ZYG11B: variants seen among roughly 807,000 people sequenced by gnomAD.
The protein encoded by ZYG11B is protein zyg-11 homolog B.
A neutral mutation model predicts 82.4 loss-of-function variants in ZYG11B; 36 were observed. The ratio of observed to expected loss-of-function variants is 0.44; its 90% CI spans 0.33 to 0.58. The LOEUF is 0.58. Ranked by LOEUF, ZYG11B falls within the 20% of genes least tolerant of loss-of-function variation. ZYG11B has a pLI of 0.02. For synonymous variants in ZYG11B, 303 were observed against 312.8 expected, an observed-to-expected ratio of 0.97 and a Z score of 0.33; for missense variants, 552 against 895.6, an observed-to-expected ratio of 0.62 and a Z score of 4.90.
At chr1:52,784,679 A>G (rs542045155) in intron 4 of ZYG11B, among the ~76,000 whole-genome samples, 198 bp from the exon 5 acceptor site, 3 of 152,288 alleles carry the variant, frequency 2.0e-5, no homozygotes, top group African/African-American at 4.8e-5. Flanking sequence ...CTAGATATGA[A>G]TAGCTGAATA....
Position 52,776,229 on chromosome 1 carries a change from A to AAAAAAAAAAATATATACATATATATATAT in ZYG11B, c.952-3623_952-3622insAAAAAAAAATATATACATATATATATATA. 1.7e-4 allele frequency among the ~76,000 whole-genome samples: 4 copies of AAAAAAAAAAATATATACATATATATATAT among 23,536 alleles called. No homozygotes were observed. In the South Asian group the frequency reaches 7.0e-3, roughly 41 times the overall value. The allele number at this position is 23,536 out of a possible 152,430, so 15.4% of individuals were successfully genotyped here. ...AGCAAAACTCTGTCTTAAAAAAAAA[A>AAAAAAAAAAATATATACATATATATATAT]ATATATATATATATATGCAATAAAG... On this transcript the variant is annotated intron_variant, in intron 3 of 13. Transcript: ENST00000294353.
At chr1:52,797,176 A>ATTTATATATTATATATAAAT (rs1418027507) in intron 8 of ZYG11B, among the ~76,000 whole-genome samples, 1 of 70,058 alleles carries the variant, frequency 1.4e-5, no homozygotes, top group African/African-American at 6.4e-5. Flanking sequence ...TATATTATAT[A>ATTTATATATTATATATAAAT]TATTTATATA....
In ZYG11B at chr1:52,801,975, C is replaced by G; in HGVS notation, c.1642C>G (p.Leu548Val). The G allele has an allele frequency of 6.2e-7, 1 of 1,600,732 alleles. No individual in the cohort carries two copies. Among genetic ancestry groups the G allele is most frequent in the Non-Finnish European group, 8.5e-7 (1 of 1,176,612 alleles). Residue 548 changes from leucine to valine, a missense_variant, in exon 9 of 14, where the codon CTA (leucine) becomes GTA (valine). By Grantham distance (32) the Leu-to-Val change is conservative. Coordinates refer to ENST00000294353, the MANE Select transcript of ZYG11B (RefSeq NM_024646.3). ...NQGLELFMRV[L>V]ESFPTESSIQ... ...AGGGTTAGAACTCTTCATGAGGGTT[C>G]TAGAGGTTAGAATGGGAATTTAGCT...
chr1:52,796,259 G>A (rs1645005619), intron 6 of ZYG11B, 33 bp from the exon 7 acceptor site: 1 of 1,563,426 alleles, frequency 6.4e-7, no homozygotes, highest in Non-Finnish European at 8.8e-7. Flanking sequence ...GGGCCTCCAC[G>A]ATTAATTCAT....
At chr1:52,768,598 T>TC (rs1411159230) in intron 2 of ZYG11B, among the ~76,000 whole-genome samples, 1 of 148,144 alleles carries the variant, frequency 6.8e-6, no homozygotes, top group Non-Finnish European at 1.5e-5. Flanking sequence ...TTCTTCCTCT[T>TC]TTTTTTTTTT....
intron 2 of ZYG11B, among the ~76,000 whole-genome samples, chr1:52,764,532 AG>A (rs1344395570): frequency 6.6e-6 from 1 of 152,104 alleles, no homozygotes; most frequent in Non-Finnish European, 1.5e-5. Context: ...ACCCTGGATA[AG>A]TTACTCTGCA....
intron 1 of ZYG11B, among the ~76,000 whole-genome samples, chr1:52,751,396 G>A (rs971006919): frequency 1.3e-5 from 2 of 151,616 alleles, no homozygotes; most frequent in Admixed American, 6.6e-5. Context: ...TTGGGAGGCC[G>A]AGGCGGGCAG....
chr1:52,794,698 G>A (rs2149953377), intron 6 of ZYG11B, among the ~76,000 whole-genome samples: 1 of 152,266 alleles, frequency 6.6e-6, no homozygotes, highest in South Asian at 2.1e-4. Flanking sequence ...AGTGATATTT[G>A]ATCTGAGTCT....
At chr1:52,743,284 C>T (rs2149922586) in intron 1 of ZYG11B, among the ~76,000 whole-genome samples, 1 of 151,086 alleles carries the variant, frequency 6.6e-6, no homozygotes, top group East Asian at 2.0e-4. Flanking sequence ...GGTCTTCTGC[C>T]TAGGAAAACC....
chr1:52,805,477 TATG>T (rs1316547302), intron 10 of ZYG11B: 1 of 456,004 alleles, frequency 2.2e-6, no homozygotes, highest in East Asian at 6.9e-5. Context: ...TCAGGGTTAA[TATG>T]ATTATTTGAT....
rs777104242 is a variant in ZYG11B, at chr1:52,771,204, G to A, written c.381G>A (p.Gly127=). The change falls in exon 3 of 14, where the codon GGG becomes GGA. Residue 127 remains glycine, a synonymous_variant. Transcript: ENST00000294353. The surrounding 1 kb of genome is among the most constrained non-coding windows in gnomAD (Gnocchi z 5.4). ...ADITITDIIS[G]LGSNKWIQQN... is the part of the protein sequence containing the mutation. ...TCACGATTACAGACATTATCAGTGG[G>A]CTTGGCAGTAACAAATGGATCCAGC... 6.2e-7 allele frequency: 1 copy of A among 1,614,242 alleles called. No homozygotes were observed. The highest frequency in any genetic ancestry group is 8.5e-7 in the Non-Finnish European group (1 of 1,180,042).
chr1:52,810,430 G>A (rs563479113), intron 10 of ZYG11B, among the ~76,000 whole-genome samples: 8 of 152,244 alleles, frequency 5.3e-5, no homozygotes, highest in Admixed American at 4.6e-4. Context: ...TCTCCCTGGT[G>A]TTCTGTCCTG....
intron 1 of ZYG11B, among the ~76,000 whole-genome samples, chr1:52,740,630 C>T (rs1644416144): frequency 6.9e-6 from 1 of 145,828 alleles, no homozygotes; most frequent in Non-Finnish European, 1.5e-5. Context: ...GTGGCACCAT[C>T]TCAGCTCACT....
chr1:52,801,327 A>G (rs1190864514), intron 8 of ZYG11B, among the ~76,000 whole-genome samples: 1 of 152,050 alleles, frequency 6.6e-6, no homozygotes, highest in African/African-American at 2.4e-5. Context: ...AGTTGGATAG[A>G]TTAGGTCTTC....
At chr1:52,774,307 A>ATTTT (rs372279550) in intron 3 of ZYG11B, among the ~76,000 whole-genome samples, 1 of 127,540 alleles carries the variant, frequency 7.8e-6, no homozygotes, top group Non-Finnish European at 1.6e-5. Flanking sequence ...TAACTGGCTA[A>ATTTT]TTTTTTTTTT....
chr1:52,805,816 C>A (rs1645137558), intron 10 of ZYG11B, among the ~76,000 whole-genome samples: 1 of 151,700 alleles, frequency 6.6e-6, no homozygotes, highest in Admixed American at 6.6e-5. Context: ...GGCAACAGAG[C>A]AAAACTCTGT....
chr1:52,743,402 T>TAAAAAAAAAA (rs71044414), intron 1 of ZYG11B, among the ~76,000 whole-genome samples: 44 of 69,094 alleles, frequency 6.4e-4, no homozygotes, highest in African/African-American at 1.6e-3. Flanking sequence ...CAATAAATAC[T>TAAAAAAAAAA]AAAAAAAAAA....
intron 1 of ZYG11B, among the ~76,000 whole-genome samples, chr1:52,742,666 C>T (rs918688128): frequency 1.3e-5 from 2 of 151,778 alleles, no homozygotes; most frequent in Non-Finnish European, 2.9e-5. Context: ...CATGGTGAAG[C>T]CTCGTCTCTA....
chr1:52,764,877 A>G (rs990415429), intron 2 of ZYG11B, among the ~76,000 whole-genome samples: 1 of 152,196 alleles, frequency 6.6e-6, no homozygotes, highest in Non-Finnish European at 1.5e-5. Flanking sequence ...GCTCCTCGGC[A>G]CTGCCCAGGA....
Sources: gnomAD v4.1 joint callset for allele counts (sites outside exome capture counted in the v4.1 genomes callset) on GRCh38, gnomAD v4.1.1 for gene constraint, Gnocchi (gnomAD v3.1) non-coding constraint, MANE v1.5 for transcripts, NCBI Gene and HGNC (gene_info 2026-07-23, HGNC 2026-07-21) for gene names.